The following VWA3B variants were observed in gnomAD, a reference collection of about 807,000 sequenced individuals.
VWA3B encodes von Willebrand factor A domain-containing protein 3B.
Under a neutral mutation model 158.3 loss-of-function variants are expected in VWA3B, and 138 were observed. That is an observed-to-expected ratio of 0.87 (90% CI 0.76 to 1.00). The LOEUF (loss-of-function observed/expected upper bound fraction) is 1.00, where lower values mean the gene tolerates loss of function less well. Ranked by LOEUF, VWA3B falls within the 50% of genes least tolerant of loss-of-function variation. The probability of loss-of-function intolerance (pLI) is 0.00; values close to 1 mark genes in which losing one functional copy is unlikely to be tolerated. For missense variants in VWA3B, 1,555 were observed against 1,565.1 expected (o/e 0.99, Z 0.11); for synonymous variants, 596 against 587.3 (o/e 1.01, Z -0.21).
chr2:98,243,903 A>G (rs1686231458), intron 19 of VWA3B, among the ~76,000 whole-genome samples: 1 of 152,182 alleles, frequency 6.6e-6, no homozygotes, highest in Non-Finnish European at 1.5e-5. Flanking sequence ...TCCTTGGCCA[A>G]TCTGGTAGGA....
intron 19 of VWA3B, among the ~76,000 whole-genome samples, chr2:98,245,918 C>T (rs539115695): frequency 6.6e-6 from 1 of 152,148 alleles, no homozygotes; most frequent in South Asian, 2.1e-4. Context: ...TTCAGTCCTC[C>T]CACCTTTCAG....
intron 7 of VWA3B, among the ~76,000 whole-genome samples, chr2:98,161,954 G>A (rs556371390): frequency 3.6e-4 from 55 of 152,224 alleles, no homozygotes; most frequent in African/African-American, 1.2e-3. Flanking sequence ...TGATCTGCCC[G>A]CCTCGGCCTC....
chr2:98,204,425 A>T (rs1337454503), intron 12 of VWA3B, among the ~76,000 whole-genome samples: 2 of 152,220 alleles, frequency 1.3e-5, no homozygotes, highest in Non-Finnish European at 2.9e-5. Context: ...AGATTGAGAA[A>T]GTTTCATTCT....
chr2:98,267,559 T>C (rs1574239126), intron 21 of VWA3B, among the ~76,000 whole-genome samples: 1 of 152,132 alleles, frequency 6.6e-6, no homozygotes, highest in Middle Eastern at 3.4e-3. Context: ...GGGAAATTTA[T>C]AGCACTAAAT....
intron 19 of VWA3B, among the ~76,000 whole-genome samples, chr2:98,238,108 C>A (rs1685823088): frequency 6.6e-6 from 1 of 152,144 alleles, no homozygotes; most frequent in African/African-American, 2.4e-5. Context: ...TTGGGAGAAG[C>A]AGATGAATTG....
intron 6 of VWA3B, among the ~76,000 whole-genome samples, chr2:98,128,725 C>T (rs531114318): frequency 6.6e-6 from 1 of 152,324 alleles, no homozygotes; most frequent in East Asian, 1.9e-4. Context: ...CCAACCAGAG[C>T]CCACACTGCC....
intron 2 of VWA3B, among the ~76,000 whole-genome samples, chr2:98,098,166 G>T (rs1419743652): frequency 1.3e-5 from 2 of 152,022 alleles, no homozygotes; most frequent in South Asian, 2.1e-4. Context: ...ATAATATTAT[G>T]TGTGCAGTTG....
intron 20 of VWA3B, among the ~76,000 whole-genome samples, chr2:98,255,065 G>A (rs546164716): frequency 1.5e-4 from 23 of 151,880 alleles, no homozygotes; most frequent in Middle Eastern, 3.4e-3. Context: ...CCAGGCTGGA[G>A]TGCAGTGGCG....
At chr2:98,287,860 A>C (rs1289432539) in intron 22 of VWA3B, among the ~76,000 whole-genome samples, 1 of 152,046 alleles carries the variant, frequency 6.6e-6, no homozygotes. Flanking sequence ...GATACATTCT[A>C]TTGTTTTGTC....
intron 23 of VWA3B, among the ~76,000 whole-genome samples, chr2:98,294,269 T>TCATTGGTG (rs1226807307): frequency 6.7e-6 from 1 of 149,046 alleles, no homozygotes; most frequent in African/African-American, 2.5e-5. Flanking sequence ...AGGCTTGATG[T>TCATTGGTG]CATTGGTGAC....
chr2:98,170,677 GCT>G (rs1679509325), intron 8 of VWA3B, among the ~76,000 whole-genome samples: 1 of 151,878 alleles, frequency 6.6e-6, no homozygotes, highest in African/African-American at 2.4e-5. Context: ...TGCCACCTCG[GCT>G]CACTGCAACC....
the VWA3B span, among the ~76,000 whole-genome samples, chr2:98,328,826 G>T: frequency 1.3e-5 from 2 of 152,100 alleles, no homozygotes; most frequent in Non-Finnish European, 2.9e-5. Context: ...CAGAAACTAG[G>T]AATCTTATTC....
the VWA3B span, among the ~76,000 whole-genome samples, chr2:98,326,317 A>T: frequency 6.6e-6 from 1 of 152,236 alleles, no homozygotes; most frequent in Non-Finnish European, 1.5e-5. Flanking sequence ...AACCTTGAAG[A>T]ATATAACCAA....
intron 20 of VWA3B, among the ~76,000 whole-genome samples, chr2:98,251,786 G>C (rs1686814284): frequency 6.6e-6 from 1 of 152,148 alleles, no homozygotes; most frequent in South Asian, 2.1e-4. Context: ...TTGCTCCACT[G>C]TGTCCAACCC....
At chr2:98,293,993 A>T (rs1689643703) in intron 23 of VWA3B, among the ~76,000 whole-genome samples, 1 of 151,966 alleles carries the variant, frequency 6.6e-6, no homozygotes, top group African/African-American at 2.4e-5. Context: ...TTTAAGCATA[A>T]GGCCAGTTAT....
At chr2:98,174,075 A>T (rs75782293) in intron 8 of VWA3B, among the ~76,000 whole-genome samples, 1,947 of 152,320 alleles carry the variant, frequency 0.013, 48 homozygotes, top group African/African-American at 0.045. Context: ...CTGGGCAAAA[A>T]TGGCAGAGTT....
the VWA3B span, among the ~76,000 whole-genome samples, chr2:98,320,332 C>T: frequency 5.3e-5 from 8 of 152,094 alleles, no homozygotes; most frequent in African/African-American, 9.7e-5. Context: ...TAGCCAGTCT[C>T]GGGTATGTCT....
At chr2:98,194,078 T>C (rs2105430344) in intron 11 of VWA3B, among the ~76,000 whole-genome samples, 1 of 152,324 alleles carries the variant, frequency 6.6e-6, no homozygotes, top group Non-Finnish European at 1.5e-5. Context: ...AAAATCAATA[T>C]TTAATGTCAC....
chr2:98,290,031 T>G (rs1171093646), intron 22 of VWA3B, among the ~76,000 whole-genome samples: 2 of 152,202 alleles, frequency 1.3e-5, no homozygotes, highest in African/African-American at 4.8e-5. Flanking sequence ...AATGTGATTC[T>G]CAATAGAAAA....
Sources: allele counts gnomAD v4.1 joint callset (sites outside exome capture counted in the v4.1 genomes callset), GRCh38; gene constraint gnomAD v4.1.1; transcripts MANE v1.5; gene names NCBI Gene and HGNC (gene_info 2026-07-23, HGNC 2026-07-21).